The following MIPOL1 variants were observed in gnomAD, a reference collection of about 807,000 sequenced individuals.
The protein encoded by MIPOL1 is mirror-image polydactyly gene 1 protein.
A neutral mutation model predicts 60.9 loss-of-function variants in MIPOL1; 57 were observed. The observed-to-expected ratio is 0.94, with a 90% CI of 0.76 to 1.17. MIPOL1 has a LOEUF of 1.17. Among genes scored for constraint, MIPOL1 ranks in the 50% most tolerant of loss-of-function variants. The probability of loss-of-function intolerance (pLI) is 0.00; values close to 1 mark genes in which losing one functional copy is unlikely to be tolerated. For missense variants in MIPOL1, 551 were observed against 511.6 expected (o/e 1.08, Z -0.74); for synonymous variants, 179 against 168.8 (o/e 1.06, Z -0.47).
chr14:37,251,517 G>T (rs1029213596), intron 3 of MIPOL1, among the ~76,000 whole-genome samples: 1 of 150,470 alleles, frequency 6.6e-6, no homozygotes, highest in African/African-American at 2.4e-5. Flanking sequence ...GATGTTTTGC[G>T]TTTTTGTGAA....
chr14:37,480,162 T>A (rs530368097), intron 11 of MIPOL1, among the ~76,000 whole-genome samples: 2 of 152,190 alleles, frequency 1.3e-5, no homozygotes, highest in Non-Finnish European at 2.9e-5. Context: ...CTCTAACTCT[T>A]CCCAAAAATT....
chr14:37,543,555 G>A (rs2095537634), intron 12 of MIPOL1, among the ~76,000 whole-genome samples: 1 of 152,198 alleles, frequency 6.6e-6, no homozygotes, highest in East Asian at 1.9e-4. Flanking sequence ...GGGACTACAG[G>A]CGTGAGCCAC....
rs1237453211 is a variant in MIPOL1, at chr14:37,285,415, A to G, written c.591A>G (p.Ala197=). 6.2e-7 allele frequency: 1 copy of G among 1,613,944 alleles called. No homozygotes were observed. Among genetic ancestry groups the G allele is most frequent in the Non-Finnish European group, 8.5e-7 (1 of 1,179,990 alleles). The change falls in exon 7 of 13, where the codon GCA becomes GCG. Residue 197 remains alanine (A), a synonymous_variant. Coordinates refer to ENST00000684589, the MANE Select transcript of MIPOL1 (RefSeq NM_001388067.1). ...TTGAGGAGAGAGATGAAGCAATTGCACGAGCCAAGCATATGGAAATGTCTC... is the reference window on the plus strand; with the variant it reads ...TTGAGGAGAGAGATGAAGCAATTGCGCGAGCCAAGCATATGGAAATGTCTC... The part of the protein sequence containing the change: ...LAIEERDEAI[A]RAKHMEMSLK...
At chr14:37,395,499 T>A (rs964690868) in intron 10 of MIPOL1, among the ~76,000 whole-genome samples, 1 of 152,072 alleles carries the variant, frequency 6.6e-6, no homozygotes, top group Non-Finnish European at 1.5e-5. Context: ...ATATTTTATT[T>A]ATTTATTTAT....
chr14:37,298,642 C>G (rs1334253738), intron 7 of MIPOL1, among the ~76,000 whole-genome samples: 1 of 151,990 alleles, frequency 6.6e-6, no homozygotes, highest in African/African-American at 2.4e-5. Context: ...GCGAAGGATC[C>G]GAACAGACAC....
At chr14:37,294,548 T>C (rs546970782) in intron 7 of MIPOL1, among the ~76,000 whole-genome samples, 2 of 152,088 alleles carry the variant, frequency 1.3e-5, no homozygotes, top group African/African-American at 4.8e-5. Flanking sequence ...GCAAAGAAGT[T>C]AAAAACTTTG....
At chr14:37,462,157 G>C (rs778199245) in intron 11 of MIPOL1, among the ~76,000 whole-genome samples, 39 of 152,310 alleles carry the variant, frequency 2.6e-4, no homozygotes, top group Non-Finnish European at 4.6e-4. Flanking sequence ...CTAGGCAGAG[G>C]TTCCCAAACC....
At chr14:37,348,983 C>CTTT (rs11347957) in intron 9 of MIPOL1, among the ~76,000 whole-genome samples, 1,489 of 74,078 alleles carry the variant, frequency 0.02, 56 homozygotes, top group Non-Finnish European at 0.025. Flanking sequence ...CCAGCTAATT[C>CTTT]TTTTTTTTTT....
chr14:37,258,393 G>A (rs1029033377), intron 3 of MIPOL1, among the ~76,000 whole-genome samples: 2 of 151,840 alleles, frequency 1.3e-5, no homozygotes, highest in East Asian at 1.9e-4. Flanking sequence ...CAGTTCACTC[G>A]TGTTTTTAAT....
chr14:37,361,707 A>G (rs185172324), intron 9 of MIPOL1, among the ~76,000 whole-genome samples: 2 of 134,262 alleles, frequency 1.5e-5, no homozygotes, highest in East Asian at 4.6e-4. Flanking sequence ...CCCCGGGTTC[A>G]TGCCATTCTC....
intron 3 of MIPOL1, among the ~76,000 whole-genome samples, chr14:37,256,054 A>G (rs1444424721): frequency 1.3e-5 from 2 of 151,882 alleles, no homozygotes; most frequent in Admixed American, 6.6e-5. Context: ...TGTCTGTACC[A>G]AGATAATTTG....
chr14:37,415,339 T>C (rs1466394390), intron 10 of MIPOL1, among the ~76,000 whole-genome samples: 1 of 152,024 alleles, frequency 6.6e-6, no homozygotes, highest in Non-Finnish European at 1.5e-5. Flanking sequence ...AGCACAGATT[T>C]TGGCCGGGCA....
chr14:37,360,827 G>C (rs1054482655), intron 9 of MIPOL1, among the ~76,000 whole-genome samples: 6 of 151,988 alleles, frequency 3.9e-5, no homozygotes, highest in African/African-American at 1.5e-4. Flanking sequence ...TTTCAGTTCT[G>C]CTCTGATCTT....
intron 10 of MIPOL1, among the ~76,000 whole-genome samples, chr14:37,410,913 T>C (rs1220626571): frequency 6.6e-6 from 1 of 151,892 alleles, no homozygotes; most frequent in Non-Finnish European, 1.5e-5. Flanking sequence ...TTTAAAAATA[T>C]AACATAGAAC....
intron 9 of MIPOL1, among the ~76,000 whole-genome samples, chr14:37,334,692 C>G (rs2089981884): frequency 6.6e-6 from 1 of 151,946 alleles, no homozygotes; most frequent in Non-Finnish European, 1.5e-5. Context: ...TCCACCAGCC[C>G]TAAGCAACCA....
chr14:37,322,315 C>G (rs1334729454), intron 9 of MIPOL1, among the ~76,000 whole-genome samples: 1 of 151,930 alleles, frequency 6.6e-6, no homozygotes, highest in Non-Finnish European at 1.5e-5. Context: ...CAGTGTTACC[C>G]CAGAGTTTCC....
At chr14:37,234,475 G>A (rs752629881) in intron 1 of MIPOL1, among the ~76,000 whole-genome samples, 7 of 151,300 alleles carry the variant, frequency 4.6e-5, no homozygotes. Flanking sequence ...ACAGGCATGA[G>A]CCACCATGCT....
chr14:37,455,816 C>T (rs1381749169), intron 11 of MIPOL1, among the ~76,000 whole-genome samples: 1 of 152,044 alleles, frequency 6.6e-6, no homozygotes, highest in Non-Finnish European at 1.5e-5. Flanking sequence ...TCTTCATGCA[C>T]TTTCAGAAAT....
intron 9 of MIPOL1, among the ~76,000 whole-genome samples, chr14:37,359,503 T>A (rs1320416316): frequency 2.0e-5 from 3 of 152,208 alleles, no homozygotes; most frequent in Admixed American, 6.5e-5. Flanking sequence ...TCTCTTCTTT[T>A]ATTTCCTTGA....
Sources: gnomAD v4.1 joint callset for allele counts (sites outside exome capture counted in the v4.1 genomes callset) on GRCh38, gnomAD v4.1.1 for gene constraint, MANE v1.5 for transcripts, NCBI Gene and HGNC (gene_info 2026-07-23, HGNC 2026-07-21) for gene names.